Variants in RELN observed in about 807,000 individuals in gnomAD.
RELN encodes reelin.
Under a neutral mutation model 427.6 loss-of-function variants are expected in RELN, and 108 were observed. The observed-to-expected ratio is 0.25, with a 90% CI of 0.22 to 0.30. The LOEUF is 0.30. Ranked by LOEUF, RELN falls within the 10% of genes least tolerant of loss-of-function variation. The pLI, the probability that RELN is intolerant of heterozygous loss-of-function variation, is 1.00. For missense variants in RELN, 3,715 were observed against 4,302.8 expected, an observed-to-expected ratio of 0.86 and a Z score of 3.82; for synonymous variants, 1,524 against 1,513.4, an observed-to-expected ratio of 1.01 and a Z score of -0.16.
intron 4 of RELN, among the ~76,000 whole-genome samples, chr7:103,758,616 A>G (rs963938): frequency 7.3e-5 from 11 of 151,332 alleles, no homozygotes; most frequent in Admixed American, 4.6e-4. Flanking sequence ...ACTTAATTTC[A>G]TAAGTCAAAT....
chr7:103,638,597 G>A (rs1156523202), intron 17 of RELN, among the ~76,000 whole-genome samples: 2 of 152,184 alleles, frequency 1.3e-5, no homozygotes, highest in Non-Finnish European at 2.9e-5. Context: ...GGTACACATT[G>A]CTGGAAAAGG....
At chr7:103,495,973 C>T in intron 56 of RELN, 75 bp from the exon 57 acceptor site, 4 of 1,480,716 alleles carry the variant, frequency 2.7e-6, no homozygotes, top group Admixed American at 1.7e-5. Context: ...GCATATTATT[C>T]TCTTGAACTG....
chr7:103,565,602 T>A (rs1356938075), intron 33 of RELN, 51 bp from the exon 34 acceptor site: 1 of 1,579,276 alleles, frequency 6.3e-7, no homozygotes, highest in Non-Finnish European at 8.6e-7. Context: ...CATTTTCTTA[T>A]TTGGTGTTTA....
intron 42 of RELN, among the ~76,000 whole-genome samples, chr7:103,543,104 T>G (rs1241672877): frequency 6.6e-6 from 1 of 152,150 alleles, no homozygotes; most frequent in Non-Finnish European, 1.5e-5. Flanking sequence ...GGAGGGGGTA[T>G]TTTCTTGAGT....
At chr7:103,800,837 A>G (rs1792445255) in intron 3 of RELN, among the ~76,000 whole-genome samples, 1 of 152,236 alleles carries the variant, frequency 6.6e-6, no homozygotes, top group South Asian at 2.1e-4. Context: ...CTCATCTGAC[A>G]AAGGGCTAAT....
At chr7:103,871,841 T>C (rs780426616) in intron 2 of RELN, among the ~76,000 whole-genome samples, 1 of 151,992 alleles carries the variant, frequency 6.6e-6, no homozygotes. Flanking sequence ...GCTTTGCTCA[T>C]TGGTGTATTT....
At chr7:103,729,557 A>G (rs1386228159) in intron 6 of RELN, among the ~76,000 whole-genome samples, 1 of 152,184 alleles carries the variant, frequency 6.6e-6, no homozygotes, top group Non-Finnish European at 1.5e-5. Flanking sequence ...AGAATTTGAA[A>G]TGTTAGTATC....
At chr7:103,957,925 C>T (rs763264365) in intron 1 of RELN, among the ~76,000 whole-genome samples, 1 of 152,166 alleles carries the variant, frequency 6.6e-6, no homozygotes, top group Non-Finnish European at 1.5e-5. Flanking sequence ...CCAGTTGTCT[C>T]ACAAGCACTG....
chr7:103,746,650 G>C (rs1391449135), intron 6 of RELN, among the ~76,000 whole-genome samples: 2 of 152,112 alleles, frequency 1.3e-5, no homozygotes, highest in African/African-American at 2.4e-5. Context: ...GCAGCCAACA[G>C]ATACATGAAA....
chr7:103,580,924 T>C (rs533020053), intron 28 of RELN, among the ~76,000 whole-genome samples: 34 of 152,292 alleles, frequency 2.2e-4, no homozygotes, highest in Admixed American at 5.9e-4. Flanking sequence ...TACACTGATC[T>C]ATTTGGAAGA....
chr7:103,627,341 A>T (rs1456939061), intron 20 of RELN, among the ~76,000 whole-genome samples: 1 of 152,122 alleles, frequency 6.6e-6, no homozygotes, highest in African/African-American at 2.4e-5. Context: ...TAGTTGGTCA[A>T]TATCATCACT....
intron 6 of RELN, among the ~76,000 whole-genome samples, chr7:103,735,022 A>G (rs1790456255): frequency 6.6e-6 from 1 of 152,178 alleles, no homozygotes; most frequent in Admixed American, 6.6e-5. Context: ...ATATATTCTT[A>G]GATAATTCAT....
In RELN at chr7:103,610,316, A is replaced by G. The variant is rs1481721932; in HGVS notation, c.3008+379T>C. Among the ~76,000 whole-genome samples, 3 of 152,200 alleles carry G rather than the reference A, an allele frequency of 2.0e-5. 1 individual carries two copies. The East Asian group carries it at 5.8e-4, about 29-fold the overall frequency. Reference sequence around the variant, plus strand: ...TTGATATACAAAAGTAAGGGTTTGCAACGAGAAAACAGCTTTGCAATCCAA... The same window carrying G: ...TTGATATACAAAAGTAAGGGTTTGCGACGAGAAAACAGCTTTGCAATCCAA... On this transcript the variant is annotated intron_variant, in intron 22 of 64. Transcript: ENST00000428762.
chr7:103,909,389 A>G (rs1412041131), intron 2 of RELN, among the ~76,000 whole-genome samples: 1 of 151,808 alleles, frequency 6.6e-6, no homozygotes, highest in Non-Finnish European at 1.5e-5. Context: ...GCAATGAAAC[A>G]TTACCATAAA....
At position 103,561,961 on chromosome 7, in the gene RELN, A is replaced by C. The variant is rs763806459; in HGVS notation, c.5211-8T>G. 2.7e-5 allele frequency: 12 copies of C among 441,258 alleles called. No individual in the cohort carries two copies. The highest frequency in any genetic ancestry group is 3.9e-5 in the Non-Finnish European group (11 of 284,400). 27.3% of individuals were successfully genotyped at this position (441,258 alleles called of 1,614,324 possible). On this transcript the variant is annotated splice_polypyrimidine_tract_variant and splice_region_variant and intron_variant, in intron 34 of 64. Coordinates refer to ENST00000428762, the MANE Select transcript of RELN (RefSeq NM_005045.4). ...AACCGGGTCCTGGGAGAACTAACCA[A>C]AAAAAAAAAAAAAAAAACACACCAC...
chr7:103,872,026 A>ATTTTTTTT (rs201501048), intron 2 of RELN, among the ~76,000 whole-genome samples: 11 of 88,106 alleles, frequency 1.2e-4, no homozygotes, highest in Non-Finnish European at 2.8e-4. Context: ...ATATATATAT[A>ATTTTTTTT]TATATTTTTC....
chr7:103,914,248 A>G (rs1446661346), intron 2 of RELN, among the ~76,000 whole-genome samples: 1 of 152,082 alleles, frequency 6.6e-6, no homozygotes, highest in Admixed American at 6.6e-5. Flanking sequence ...TTCTCTCAAA[A>G]TGTGCTTACA....
At chr7:103,564,195 G>A (rs1830697406) in intron 34 of RELN, among the ~76,000 whole-genome samples, 1 of 152,212 alleles carries the variant, frequency 6.6e-6, no homozygotes, top group Non-Finnish European at 1.5e-5. Flanking sequence ...AGCAGTCATA[G>A]GAAACTATTT....
intron 2 of RELN, among the ~76,000 whole-genome samples, chr7:103,840,291 T>C (rs1380034731): frequency 2.0e-5 from 3 of 152,230 alleles, no homozygotes; most frequent in African/African-American, 4.8e-5. Context: ...AAATGGCTCC[T>C]ATCGGAGTGT....
Sources: gnomAD v4.1 joint callset for allele counts (sites outside exome capture counted in the v4.1 genomes callset) on GRCh38, gnomAD v4.1.1 for gene constraint, MANE v1.5 for transcripts, NCBI Gene and HGNC (gene_info 2026-07-23, HGNC 2026-07-21) for gene names.